PDE10A: variants seen among roughly 807,000 people sequenced by gnomAD.
PDE10A encodes phosphodiesterase 10A.
In PDE10A, 39 loss-of-function variants were observed where a neutral mutation model predicts 97.7. That is an observed-to-expected ratio of 0.40 (90% CI 0.31 to 0.52). The LOEUF (loss-of-function observed/expected upper bound fraction) is 0.52. PDE10A is among the 20% of genes least tolerant of loss of function. PDE10A has a pLI of 0.56. For missense variants in PDE10A, 731 were observed against 1,047.8 expected (o/e 0.70, Z 4.17); for synonymous variants, 371 against 376.8 (o/e 0.98, Z 0.18).
chr6:165,903,633 C>T (rs886768159), intron 1 of PDE10A, among the ~76,000 whole-genome samples: 4 of 152,034 alleles, frequency 2.6e-5, no homozygotes, highest in South Asian at 2.1e-4. Context: ...CGCTACTCAT[C>T]GGAAGTTGGA....
chr6:165,975,024 C>T (rs1784807549), intron 1 of PDE10A, among the ~76,000 whole-genome samples: 1 of 152,230 alleles, frequency 6.6e-6, no homozygotes. Flanking sequence ...TTGAGCTGCA[C>T]TTCATCTCAT....
In PDE10A at chr6:165,735,718, C is replaced by T. The variant is rs202082714; in HGVS notation, c.-614-192150G>A. The stretch of plus-strand genomic sequence containing the variant: ...CCTTCATCTGATTGGATGAGGCCCA[C>T]GCACATGGAGGGCAATCTGCCGTAC... On this transcript the variant is annotated intron_variant, in intron 1 of 19. Transcript: ENST00000366882. Among the ~76,000 whole-genome samples the T allele has an allele frequency of 1.3e-4, 20 of 152,250 alleles. No homozygotes were observed. In the South Asian group the frequency reaches 2.5e-3, roughly 19 times the overall value.
At chr6:165,657,822 AT>A (rs1790041828) in intron 1 of PDE10A, among the ~76,000 whole-genome samples, 1 of 152,146 alleles carries the variant, frequency 6.6e-6, no homozygotes, top group Non-Finnish European at 1.5e-5. Flanking sequence ...GTCCTTTCTG[AT>A]TTCCTTACCA....
chr6:165,691,587 GCGCGCACACACACA>G (rs1791300075), intron 1 of PDE10A, among the ~76,000 whole-genome samples: 1 of 46,590 alleles, frequency 2.1e-5, no homozygotes, highest in Admixed American at 2.3e-4. Flanking sequence ...GCATGCACGC[GCGCGCACACACACA>G]CACACACACA....
chr6:165,341,904 A>G (rs1283280967), intron 19 of PDE10A, among the ~76,000 whole-genome samples: 2 of 152,202 alleles, frequency 1.3e-5, no homozygotes, highest in African/African-American at 2.4e-5. Context: ...CATTTTAAAC[A>G]CAGCATTTTA....
At chr6:165,751,591 A>T (rs1307975848) in intron 1 of PDE10A, among the ~76,000 whole-genome samples, 2 of 152,156 alleles carry the variant, frequency 1.3e-5, no homozygotes, top group Non-Finnish European at 2.9e-5. Context: ...TTTTCTGGTC[A>T]CAACCCTGCT....
chr6:165,953,285 G>C (rs1000466396), intron 1 of PDE10A, among the ~76,000 whole-genome samples: 2 of 152,124 alleles, frequency 1.3e-5, no homozygotes, highest in African/African-American at 4.8e-5. Flanking sequence ...TTTGAGGGCT[G>C]TTTAATATTT....
chr6:165,503,510 G>A (rs756748587), intron 2 of PDE10A, among the ~76,000 whole-genome samples: 3 of 152,146 alleles, frequency 2.0e-5, no homozygotes, highest in Non-Finnish European at 4.4e-5. Flanking sequence ...ACAGCCACAG[G>A]TCTCTGCCCA....
chr6:165,730,915 G>A (rs550905471), intron 1 of PDE10A, among the ~76,000 whole-genome samples: 28 of 151,932 alleles, frequency 1.8e-4, no homozygotes, highest in Non-Finnish European at 3.5e-4. Flanking sequence ...GCGTGGTGGC[G>A]GGCCCCTGTA....
At chr6:165,379,457 C>A in intron 17 of PDE10A, 91 bp from the exon 18 acceptor site, 2 of 976,012 alleles carry the variant, frequency 2.0e-6, no homozygotes, top group South Asian at 1.7e-5. Flanking sequence ...TATAGTCAGT[C>A]AATGACATCT....
chr6:165,751,272 A>T (rs2128456051), intron 1 of PDE10A, among the ~76,000 whole-genome samples: 1 of 152,136 alleles, frequency 6.6e-6, no homozygotes, highest in African/African-American at 2.4e-5. Context: ...TCTTCATAAA[A>T]CCTTCATCTT....
chr6:165,662,523 G>C lies in PDE10A; in HGVS notation c.289C>G (p.Arg97Gly), dbSNP rs1790336025. The C allele has an allele frequency of 1.4e-5, 2 of 147,654 alleles. No homozygotes were observed. The highest frequency in any genetic ancestry group is 3.0e-5 in the Non-Finnish European group (2 of 66,596). The allele number at this position is 147,654 out of a possible 1,614,324, so 9.1% of individuals were successfully genotyped here. A position where few individuals can be genotyped will look rare whatever the true frequency, so the allele number is the denominator to read the frequency against. Residue 97 changes from arginine (R) to glycine (G), a missense_variant, in exon 1 of 22, where the codon CGC becomes GGC. Physicochemically the swap from Arg to Gly is moderately radical, Grantham distance 125 (BLOSUM62 -2). Coordinates refer to ENST00000539869, the MANE Select transcript of PDE10A (RefSeq NM_001385079.1). ...GAGAAGGCGAGCGCCAAGGGAGCGC[G>C]GGCCGCGACCCAGCCGCAGCCGCCG... ...RGGGCGWVAARAPLALAFSSR... is the reference protein window; with the variant it reads ...RGGGCGWVAAGAPLALAFSSR...
chr6:165,525,613 G>C (rs1341407003), intron 2 of PDE10A, among the ~76,000 whole-genome samples: 2 of 152,130 alleles, frequency 1.3e-5, no homozygotes, highest in Admixed American at 6.5e-5. Flanking sequence ...CTGCATCTTT[G>C]AAGAGCCTTG....
chr6:165,402,828 T>A (rs1018106474), intron 13 of PDE10A, among the ~76,000 whole-genome samples: 4 of 152,202 alleles, frequency 2.6e-5, no homozygotes, highest in Non-Finnish European at 5.9e-5. Flanking sequence ...TTAGTGATTA[T>A]TTAGAATGTT....
At chr6:165,481,353 C>A (rs1943028517) in intron 3 of PDE10A, among the ~76,000 whole-genome samples, 2 of 152,104 alleles carry the variant, frequency 1.3e-5, no homozygotes. Flanking sequence ...TCACAGAGAC[C>A]TCAAGAGAAT....
intron 3 of PDE10A, among the ~76,000 whole-genome samples, chr6:165,456,237 TAGTG>T (rs1562483929): frequency 6.6e-6 from 1 of 152,176 alleles, no homozygotes; most frequent in Non-Finnish European, 1.5e-5. Flanking sequence ...AGCCAAACAA[TAGTG>T]AGAGACCTAA....
intron 1 of PDE10A, among the ~76,000 whole-genome samples, chr6:165,614,564 CA>C (rs1787639511): frequency 6.6e-6 from 1 of 152,308 alleles, no homozygotes; most frequent in Non-Finnish European, 1.5e-5. Flanking sequence ...ATTTAAGCCT[CA>C]CTTTAATATG....
At chr6:165,422,246 C>A (rs111571752) in intron 10 of PDE10A, among the ~76,000 whole-genome samples, 15,560 of 151,270 alleles carry the variant, frequency 0.1, 980 homozygotes, top group Middle Eastern at 0.17. Context: ...CTAAAAGCCA[C>A]CCCTACTCCC....
At chr6:165,658,168 A>G (rs557856797) in intron 1 of PDE10A, among the ~76,000 whole-genome samples, 26 of 152,192 alleles carry the variant, frequency 1.7e-4, no homozygotes, top group Non-Finnish European at 3.5e-4. Flanking sequence ...TGTTAAACAC[A>G]TTTGCTCTTA....
Sources: gnomAD v4.1 joint callset for allele counts (sites outside exome capture counted in the v4.1 genomes callset) on GRCh38, gnomAD v4.1.1 for gene constraint, MANE v1.5 for transcripts, NCBI Gene and HGNC (gene_info 2026-07-23, HGNC 2026-07-21) for gene names.